Variants in RALYL observed in about 807,000 individuals in gnomAD.
RALYL encodes the protein RNA-binding Raly-like protein.
A neutral mutation model predicts 35.1 loss-of-function variants in RALYL; 29 were observed. The ratio of observed to expected loss-of-function variants is 0.83; its 90% CI spans 0.61 to 1.13. The LOEUF (loss-of-function observed/expected upper bound fraction) is 1.13. RALYL is among the 50% of genes most tolerant of loss of function. The pLI is 0.00. For missense variants in RALYL, 359 were observed against 360.4 expected, an observed-to-expected ratio of 1.00 and a Z score of 0.03; for synonymous variants, 120 against 127.6, an observed-to-expected ratio of 0.94 and a Z score of 0.40.
chr8:84,505,248 C>T (rs2057062153), intron 1 of RALYL, among the ~76,000 whole-genome samples: 2 of 152,102 alleles, frequency 1.3e-5, no homozygotes, highest in African/African-American at 4.8e-5. Flanking sequence ...CTCTGAGATT[C>T]CAGAAACATT....
chr8:84,427,596 C>G (rs1327054796), intron 1 of RALYL, among the ~76,000 whole-genome samples: 1 of 152,118 alleles, frequency 6.6e-6, no homozygotes, highest in Non-Finnish European at 1.5e-5. Context: ...ACTACTGGCC[C>G]TTAGGCATCC....
rs1366525960 is a variant in RALYL, at chr8:84,876,204, TG to T, written c.685+2810del. Among the ~76,000 whole-genome samples, 9 of 152,322 alleles carry T rather than the reference TG, an allele frequency of 5.9e-5. No homozygotes were observed. The South Asian group carries it at 1.9e-3, about 32-fold the overall frequency. On this transcript the variant is annotated intron_variant, in intron 7 of 8. Coordinates refer to ENST00000521268, the MANE Select transcript of RALYL (RefSeq NM_173848.7). ...CTACCCAACACCAGGTATTATGTAC[TG>T]GGCACAACTTAGCAAGTCATTTAAC...
intron 2 of RALYL, among the ~76,000 whole-genome samples, chr8:84,552,907 A>C (rs925192498): frequency 6.6e-6 from 1 of 152,142 alleles, no homozygotes; most frequent in Non-Finnish European, 1.5e-5. Flanking sequence ...TAAATAAAGA[A>C]GTGACTAGTC....
chr8:84,533,317 C>CATTTTAAATGCTTAATAG, intron 2 of RALYL, among the ~76,000 whole-genome samples: 1 of 152,088 alleles, frequency 6.6e-6, no homozygotes, highest in African/African-American at 2.4e-5. Context: ...GAGATAAAAA[C>CATTTTAAATGCTTAATAG]ATTTTAAATG....
chr8:84,761,610 A>C (rs910568357), intron 2 of RALYL, among the ~76,000 whole-genome samples: 6 of 152,184 alleles, frequency 3.9e-5, no homozygotes, highest in African/African-American at 1.4e-4. Flanking sequence ...AACCTTGTTC[A>C]TGACCACTTT....
chr8:84,602,591 T>C (rs1165601455), intron 2 of RALYL, among the ~76,000 whole-genome samples: 1 of 152,134 alleles, frequency 6.6e-6, no homozygotes, highest in Non-Finnish European at 1.5e-5. Context: ...TCCAGAGTTT[T>C]AAAGATTTAG....
chr8:84,868,628 A>T (rs1839618795), intron 6 of RALYL, among the ~76,000 whole-genome samples: 1 of 152,244 alleles, frequency 6.6e-6, no homozygotes, highest in Non-Finnish European at 1.5e-5. Flanking sequence ...AATGAAATGC[A>T]AGATGAACAG....
chr8:84,813,810 G>GGTTT (rs1826472144), intron 4 of RALYL, among the ~76,000 whole-genome samples: 1 of 151,984 alleles, frequency 6.6e-6, no homozygotes, highest in South Asian at 2.1e-4. Flanking sequence ...ACAACGTGCA[G>GGTTT]GTTTGTTACA....
chr8:84,674,398 T>G (rs1356643152), intron 2 of RALYL, among the ~76,000 whole-genome samples: 1 of 152,212 alleles, frequency 6.6e-6, no homozygotes, highest in Non-Finnish European at 1.5e-5. Context: ...TGGCCAGAAC[T>G]TCCAATATTA....
intron 6 of RALYL, among the ~76,000 whole-genome samples, chr8:84,870,014 T>C (rs1839909724): frequency 6.6e-6 from 1 of 152,188 alleles, no homozygotes; most frequent in Admixed American, 6.5e-5. Flanking sequence ...TGACTTATTT[T>C]TAAAAACAAA....
In RALYL at chr8:84,803,164, G is replaced by C. The variant is rs557143537; in HGVS notation, c.333-1606G>C. Among the ~76,000 whole-genome samples, 13 of 152,262 alleles carry C rather than the reference G, an allele frequency of 8.5e-5. 1 individual carries two copies. In the South Asian group the frequency reaches 2.5e-3, roughly 29 times the overall value. On this transcript the variant is annotated intron_variant, in intron 3 of 8. Transcript: ENST00000521268. The stretch of plus-strand genomic sequence containing the variant: ...TACACTAATGTCTGATAAATGTCAG[G>C]CTGAAATTATTGGCAAATACAGAGA...
chr8:84,249,532 T>G (rs898084760), intron 1 of RALYL, among the ~76,000 whole-genome samples: 4 of 152,166 alleles, frequency 2.6e-5, no homozygotes, highest in African/African-American at 9.6e-5. Context: ...TTAACTTTAT[T>G]TTTACAATTC....
At chr8:84,831,248 A>C (rs1830858497) in intron 4 of RALYL, among the ~76,000 whole-genome samples, 1 of 152,210 alleles carries the variant, frequency 6.6e-6, no homozygotes, top group African/African-American at 2.4e-5. Flanking sequence ...CCATAAATTT[A>C]AAAAGAGACT....
intron 2 of RALYL, among the ~76,000 whole-genome samples, chr8:84,769,853 A>G (rs1051668701): frequency 6.6e-6 from 1 of 152,086 alleles, no homozygotes; most frequent in Non-Finnish European, 1.5e-5. Flanking sequence ...TATAAATTAC[A>G]TACAGAATAA....
chr8:84,901,923 T>G (rs1010662703), intron 8 of RALYL, among the ~76,000 whole-genome samples: 1 of 152,166 alleles, frequency 6.6e-6, no homozygotes, highest in East Asian at 1.9e-4. Flanking sequence ...TAAGCAGGTG[T>G]GAGTCTTATC....
chr8:84,315,676 T>C (rs1227892068), intron 1 of RALYL, among the ~76,000 whole-genome samples: 2 of 152,150 alleles, frequency 1.3e-5, no homozygotes, highest in African/African-American at 4.8e-5. Context: ...AGATTTTATA[T>C]ATTGAAGTAC....
intron 1 of RALYL, among the ~76,000 whole-genome samples, chr8:84,240,400 C>G (rs1445840867): frequency 6.6e-6 from 1 of 152,122 alleles, no homozygotes; most frequent in Non-Finnish European, 1.5e-5. Context: ...GAAAGTCTGG[C>G]CTCTTTCTTG....
chr8:84,361,604 G>A (rs1853056811), intron 1 of RALYL, among the ~76,000 whole-genome samples: 1 of 152,118 alleles, frequency 6.6e-6, no homozygotes, highest in East Asian at 1.9e-4. Context: ...TTTTAATCTA[G>A]TGATGTAATT....
chr8:84,775,937 A>G (rs1030661009), intron 3 of RALYL, among the ~76,000 whole-genome samples: 4 of 152,150 alleles, frequency 2.6e-5, no homozygotes, highest in African/African-American at 4.8e-5. Context: ...AGATATAGCC[A>G]ATTGTTCCAG....
Sources: allele counts gnomAD v4.1 joint callset (sites outside exome capture counted in the v4.1 genomes callset), GRCh38; gene constraint gnomAD v4.1.1; transcripts MANE v1.5; gene names NCBI Gene and HGNC (gene_info 2026-07-23, HGNC 2026-07-21).